SPOCK3: variants seen among roughly 807,000 people sequenced by gnomAD.
The protein encoded by SPOCK3 is testican-3.
In SPOCK3, 30 loss-of-function variants were observed where a neutral mutation model predicts 56.6. That is an observed-to-expected ratio of 0.53 (90% CI 0.40 to 0.72). The LOEUF is 0.72. Ranked by LOEUF, SPOCK3 falls within the 30% of genes least tolerant of loss-of-function variation. The pLI, the probability that SPOCK3 is intolerant of heterozygous loss-of-function variation, is 0.00. For synonymous variants in SPOCK3, 196 were observed against 183.3 expected, an observed-to-expected ratio of 1.07 and a Z score of -0.56; for missense variants, 527 against 530.0, an observed-to-expected ratio of 0.99 and a Z score of 0.06.
At chr4:167,059,773 C>T (rs1363305565) in intron 3 of SPOCK3, among the ~76,000 whole-genome samples, 2 of 152,106 alleles carry the variant, frequency 1.3e-5, no homozygotes, top group African/African-American at 2.4e-5. Context: ...CAATGATAGA[C>T]TGGATTAAGA....
intron 2 of SPOCK3, among the ~76,000 whole-genome samples, chr4:167,085,015 G>A (rs969776867): frequency 1.1e-4 from 16 of 151,948 alleles, no homozygotes; most frequent in African/African-American, 3.6e-4. Flanking sequence ...AGGGTGATGG[G>A]TTCACTTGAC....
chr4:166,828,335 A>T (rs1040862023), intron 6 of SPOCK3, among the ~76,000 whole-genome samples: 1 of 152,054 alleles, frequency 6.6e-6, no homozygotes, highest in African/African-American at 2.4e-5. Flanking sequence ...TAAATTTTTC[A>T]AAATTTCCTT....
At chr4:166,886,932 G>A (rs1734258594) in intron 6 of SPOCK3, among the ~76,000 whole-genome samples, 1 of 152,156 alleles carries the variant, frequency 6.6e-6, no homozygotes, top group Non-Finnish European at 1.5e-5. Context: ...TTCCACAGCA[G>A]GTAGCAAAAT....
At chr4:166,844,039 T>A (rs1747789911) in intron 6 of SPOCK3, among the ~76,000 whole-genome samples, 1 of 152,184 alleles carries the variant, frequency 6.6e-6, no homozygotes, top group Admixed American at 6.5e-5. Context: ...AGCAACCAGC[T>A]AAGCATAAAC....
intron 6 of SPOCK3, among the ~76,000 whole-genome samples, chr4:166,797,773 T>G (rs1742118462): frequency 6.6e-6 from 1 of 152,206 alleles, no homozygotes; most frequent in Non-Finnish European, 1.5e-5. Context: ...AATAAGTAGC[T>G]ACTATAAAAT....
chr4:167,011,148 G>A, intron 3 of SPOCK3: 1 of 363,876 alleles, frequency 2.7e-6, no homozygotes, highest in Non-Finnish European at 5.6e-6. Context: ...CCTCTTAAGG[G>A]TTCTTGAGAG....
At chr4:167,043,915 T>A (rs1015693744) in intron 3 of SPOCK3, among the ~76,000 whole-genome samples, 2 of 152,024 alleles carry the variant, frequency 1.3e-5, no homozygotes, top group Admixed American at 1.3e-4. Flanking sequence ...TTCTTTGTAA[T>A]GTGTTTGTCT....
chr4:167,030,718 C>G (rs1189422512), intron 3 of SPOCK3, among the ~76,000 whole-genome samples: 1 of 152,030 alleles, frequency 6.6e-6, no homozygotes. Context: ...AGAGACTCTA[C>G]CATATAGGAC....
chr4:167,115,278 C>A (rs570629406), intron 2 of SPOCK3, among the ~76,000 whole-genome samples: 1 of 150,676 alleles, frequency 6.6e-6, no homozygotes, highest in South Asian at 2.1e-4. Flanking sequence ...GGCTGTATGT[C>A]CCGCAAAGTA....
intron 3 of SPOCK3, among the ~76,000 whole-genome samples, chr4:167,057,005 T>C (rs144323962): frequency 0.012 from 1,892 of 151,970 alleles, 21 homozygotes; most frequent in Non-Finnish European, 0.018. Context: ...AAAGTTGAAA[T>C]GAAGGAAAAA....
chr4:166,754,548 T>C lies in SPOCK3; in HGVS notation c.891A>G (p.Ile297Met). The part of the protein sequence containing the change: ...NSCDTYKDSL[I>M]SNNEWCYCFQ... ...AGCAGTAGCACCACTCATTATTAGA[T>C]ATTAAACTGTCCTTGTATGTGTCAC... The change falls in exon 8 of 11, where the codon ATA (isoleucine) becomes ATG (methionine). Residue 297 changes from isoleucine (I) to methionine (M), a missense_variant. By Grantham distance (10) the Ile-to-Met change is conservative. Coordinates refer to ENST00000357545, the MANE Select transcript of SPOCK3 (RefSeq NM_001040159.2). 6.2e-7 allele frequency: 1 copy of C among 1,613,606 alleles called. No homozygotes were observed. Among genetic ancestry groups the C allele is most frequent in the Non-Finnish European group, 8.5e-7 (1 of 1,179,692 alleles).
At chr4:166,843,219 C>T (rs540423757) in intron 6 of SPOCK3, among the ~76,000 whole-genome samples, 1 of 152,328 alleles carries the variant, frequency 6.6e-6, no homozygotes, top group South Asian at 2.1e-4. Context: ...CCTTGGCCAG[C>T]CCAGAGGGTG....
At chr4:166,806,129 C>T (rs1411886474) in intron 6 of SPOCK3, among the ~76,000 whole-genome samples, 2 of 151,900 alleles carry the variant, frequency 1.3e-5, no homozygotes, top group African/African-American at 4.8e-5. Context: ...TAATTGCCAC[C>T]TCATTGCTAT....
chr4:166,738,743 G>C (rs886894324), intron 9 of SPOCK3, among the ~76,000 whole-genome samples: 2 of 150,236 alleles, frequency 1.3e-5, no homozygotes, highest in African/African-American at 4.9e-5. Context: ...CCTTGCGATA[G>C]TTTACTGAGA....
chr4:167,060,227 T>C (rs951427445), intron 3 of SPOCK3, among the ~76,000 whole-genome samples: 1 of 151,048 alleles, frequency 6.6e-6, no homozygotes, highest in Non-Finnish European at 1.5e-5. Flanking sequence ...AAAAGAATGA[T>C]ATCCTGTCAT....
At position 166,832,766 on chromosome 4, in the gene SPOCK3, C is replaced by G. The variant is rs188488502; in HGVS notation, c.590-40477G>C. ...TTTCCTTGCAGCAGCGTAGATGCAG[C>G]TAGGGGCTATTATCCTAAGCAAATT... On this transcript the variant is annotated intron_variant, in intron 6 of 10. Transcript: ENST00000357545. 3.1e-3 allele frequency among the ~76,000 whole-genome samples: 476 copies of G among 152,210 alleles called. 3 individuals carry two copies. The highest frequency in any genetic ancestry group is 0.011 in the African/African-American group (454 of 41,526).
chr4:166,766,671 A>G lies in SPOCK3; in HGVS notation c.710-11942T>C, dbSNP rs143961565. ...TCTCTTTTTTTGCTGTGTCTCTGCC[A>G]GGCTTTGGTATCACAATGATGCTGA... On this transcript the variant is annotated intron_variant, in intron 7 of 10. Coordinates refer to ENST00000357545, the MANE Select transcript of SPOCK3 (RefSeq NM_001040159.2). Among the ~76,000 whole-genome samples, 1,511 of 152,276 alleles carry G rather than the reference A, an allele frequency of 9.9e-3. 13 individuals carry two copies. Among genetic ancestry groups the G allele is most frequent in the Middle Eastern group, 0.014 (4 of 294 alleles).
intron 2 of SPOCK3, among the ~76,000 whole-genome samples, chr4:167,084,333 T>G (rs2150296405): frequency 6.6e-6 from 1 of 152,202 alleles, no homozygotes; most frequent in Admixed American, 6.6e-5. Context: ...AACTATTGCA[T>G]ATTTTTTCTT....
At position 167,002,225 on chromosome 4, in the gene SPOCK3, C is replaced by G. The variant is rs150081558; in HGVS notation, c.236-1762G>C. On this transcript the variant is annotated intron_variant, in intron 3 of 10. Coordinates refer to ENST00000357545, the MANE Select transcript of SPOCK3 (RefSeq NM_001040159.2). ...CCACCCACCTTAGCCTCCCAAGGTG[C>G]TGGGATTACAATGGTGAGCCACTGC... Among the ~76,000 whole-genome samples the G allele has an allele frequency of 3.8e-3, 583 of 152,220 alleles. 5 individuals are homozygous for G. The highest frequency in any genetic ancestry group is 0.012 in the African/African-American group (513 of 41,542).
Sources: gnomAD v4.1 joint callset for allele counts (sites outside exome capture counted in the v4.1 genomes callset) on GRCh38, gnomAD v4.1.1 for gene constraint, MANE v1.5 for transcripts, NCBI Gene and HGNC (gene_info 2026-07-23, HGNC 2026-07-21) for gene names.